Variants in WASHC2A observed in about 807,000 individuals in gnomAD.
The protein encoded by WASHC2A is WASH complex subunit 2A, also known as WASH complex subunit FAM21A.
WASHC2A carries 82 observed loss-of-function variants against 140.3 expected under a neutral mutation model. That is an observed-to-expected ratio of 0.58 (90% CI 0.49 to 0.70). WASHC2A has a LOEUF of 0.70. Among genes scored for constraint, WASHC2A ranks in the 30% least tolerant of loss-of-function variants. The probability of loss-of-function intolerance (pLI) is 0.00; values close to 1 mark genes in which losing one functional copy is unlikely to be tolerated. For synonymous variants in WASHC2A, 340 were observed against 560.8 expected (o/e 0.61, Z 5.56); for missense variants, 985 against 1,521.8 (o/e 0.65, Z 5.87).
At chr10:50,128,417 G>A (rs1194256181) in intron 28 of WASHC2A, among the ~76,000 whole-genome samples, 3 of 152,222 alleles carry the variant, frequency 2.0e-5, no homozygotes, top group South Asian at 2.1e-4. Context: ...TCCCACAGCA[G>A]CGACACTGTT....
chr10:50,095,007 T>C (rs1282129087), intron 13 of WASHC2A, 141 bp from the exon 14 acceptor site: 2 of 1,521,850 alleles, frequency 1.3e-6, no homozygotes, highest in African/African-American at 2.8e-5. Flanking sequence ...ACTAAAGAAT[T>C]TTAAAATGAC....
chr10:50,111,407 T>C (rs1205430967), intron 20 of WASHC2A, among the ~76,000 whole-genome samples: 5 of 152,032 alleles, frequency 3.3e-5, no homozygotes, highest in Admixed American at 6.6e-5. Flanking sequence ...CTCTGGAAAC[T>C]TGATATTAAA....
chr10:50,082,096 G>T (rs1211220793), intron 5 of WASHC2A, among the ~76,000 whole-genome samples: 5 of 151,968 alleles, frequency 3.3e-5, no homozygotes, highest in South Asian at 2.1e-4. Context: ...CTGGGAAATG[G>T]ATTGCCTGGA....
At chr10:50,087,345 A>T (rs1554881366) in intron 8 of WASHC2A, 23 bp downstream of exon 8, 1 of 1,613,776 alleles carries the variant, frequency 6.2e-7, no homozygotes, top group East Asian at 2.2e-5. Flanking sequence ...TATTGAAATG[A>T]CTTTGTTTTT....
At chr10:50,088,170 A>G (rs1474443410) in intron 8 of WASHC2A, among the ~76,000 whole-genome samples, 3 of 150,902 alleles carry the variant, frequency 2.0e-5, no homozygotes, top group African/African-American at 7.3e-5. Context: ...CTATACTTTT[A>G]AACATACTGA....
At chr10:50,121,645 T>A (rs1258311661) in intron 23 of WASHC2A, among the ~76,000 whole-genome samples, 5 of 149,522 alleles carry the variant, frequency 3.3e-5, no homozygotes, top group African/African-American at 1.3e-4. Context: ...CCACCTGCCT[T>A]AGCCTCCCGA....
intron 4 of WASHC2A, among the ~76,000 whole-genome samples, chr10:50,079,460 G>C (rs1416154703): frequency 6.6e-6 from 1 of 152,214 alleles, no homozygotes; most frequent in Non-Finnish European, 1.5e-5. Context: ...GCAGTGGCAC[G>C]ATATCAGCTC....
intron 17 of WASHC2A, among the ~76,000 whole-genome samples, chr10:50,101,885 T>A (rs1350336171): frequency 1.3e-5 from 2 of 151,744 alleles, no homozygotes; most frequent in Non-Finnish European, 2.9e-5. Context: ...TAGCCCTGTG[T>A]GGCTCCCAGC....
At chr10:50,112,626 A>G (rs1215479929) in intron 20 of WASHC2A, among the ~76,000 whole-genome samples, 3 of 143,480 alleles carry the variant, frequency 2.1e-5, no homozygotes, top group Middle Eastern at 3.4e-3. Context: ...AGCCTTAGTC[A>G]TAACAGCCGA....
At position 50,103,652 on chromosome 10, in the gene WASHC2A, C is replaced by CCTA. The variant is rs529168273; in HGVS notation, c.1636-388_1636-387insACT. Among the ~76,000 whole-genome samples, 561 of 152,200 alleles carry CCTA rather than the reference C, an allele frequency of 3.7e-3. 1 individual carries two copies. The highest frequency in any genetic ancestry group is 0.011 in the African/African-American group (460 of 41,514). On this transcript the variant is annotated intron_variant, in intron 17 of 30. Coordinates refer to ENST00000282633, the MANE Select transcript of WASHC2A (RefSeq NM_001005751.3). ...GCTCCATTAATTTGGGAATCTAGCC[C>CCTA]CTGTTTCTTTATTGACCCTGTCTAA...
chr10:50,097,062 G>C lies in WASHC2A; in HGVS notation c.1421-613G>C, dbSNP rs577922673. On this transcript the variant is annotated intron_variant, in intron 15 of 30. Coordinates refer to ENST00000282633, the MANE Select transcript of WASHC2A (RefSeq NM_001005751.3). ...ACGCTTGTTGACTTGGGAAGATTTT[G>C]TAGGTACATTAAGTGGAAAACACAA... Among the ~76,000 whole-genome samples the C allele has an allele frequency of 2.3e-5, 3 of 130,464 alleles. 1 individual carries two copies. The highest frequency in any genetic ancestry group is 7.7e-5 in the African/African-American group (3 of 38,896). The allele number at this position is 130,464 out of a possible 152,430, so 85.6% of individuals were successfully genotyped here.
intron 5 of WASHC2A, among the ~76,000 whole-genome samples, chr10:50,081,848 GTC>G (rs1554879797): frequency 1.3e-5 from 2 of 152,072 alleles, no homozygotes; most frequent in African/African-American, 4.8e-5. Context: ...GGCCAGGCTG[GTC>G]TCGAACTCCC....
chr10:50,100,165 G>A, intron 17 of WASHC2A, 101 bp downstream of exon 17: 3 of 1,441,372 alleles, frequency 2.1e-6, no homozygotes, highest in Non-Finnish European at 1.9e-6. Context: ...AAGACTTTTT[G>A]TTAAGTACTC....
At position 50,127,593 on chromosome 10, in the gene WASHC2A, C is replaced by T. The variant is rs1843548132; in HGVS notation, c.2885C>T (p.Ala962Val). The T allele has an allele frequency of 1.2e-5, 19 of 1,608,480 alleles. No homozygotes were observed. The highest frequency in any genetic ancestry group is 1.7e-5 in the Admixed American group (1 of 59,788). Residue 962 changes from alanine to valine, a missense_variant, in exon 28 of 31, where the codon GCG (alanine) becomes GTG (valine). By Grantham distance (64) the Ala-to-Val change is moderately conservative. Coordinates refer to ENST00000282633, the MANE Select transcript of WASHC2A (RefSeq NM_001005751.3). ...TRIGKIQANL[A>V]INPAALLPTA... The stretch of plus-strand genomic sequence containing the variant: ...ATTTTTCTTCTTTAGGCAAATTTAG[C>T]GATCAACCCAGCGGCCTTGCTGCCC...
At chr10:50,081,876 G>A (rs1420486923) in intron 5 of WASHC2A, among the ~76,000 whole-genome samples, 3 of 152,006 alleles carry the variant, frequency 2.0e-5, no homozygotes, top group East Asian at 1.9e-4. Context: ...CAGGTGATCC[G>A]CCTGCCTTGG....
intron 10 of WASHC2A, 105 bp downstream of exon 10, chr10:50,091,623 T>G (rs1564764309): frequency 4.2e-6 from 4 of 942,778 alleles, no homozygotes; most frequent in Admixed American, 2.8e-5. Context: ...TTACTACATA[T>G]ATTTATTAGT....
rs1554880335 is a variant in WASHC2A, at chr10:50,084,046, C to T, written c.529-26C>T. The T allele has an allele frequency of 1.9e-6, 3 of 1,610,190 alleles. No homozygotes were observed. In the Admixed American group the frequency reaches 5.0e-5, roughly 27 times the overall value. ...GTTTGTTTTCAACTGAAATGTTTGA[C>T]AGCCTATTCCTTTCATGATGTACAG... On this transcript the variant is annotated intron_variant, in intron 5 of 30. Coordinates refer to ENST00000282633, the MANE Select transcript of WASHC2A (RefSeq NM_001005751.3).
chr10:50,094,421 A>G (rs1435099445), intron 13 of WASHC2A, among the ~76,000 whole-genome samples: 11 of 148,682 alleles, frequency 7.4e-5, no homozygotes, highest in Non-Finnish European at 1.3e-4. Context: ...ACCCGCCTAG[A>G]CCTGGCAAAA....
chr10:50,095,162 A>G lies in WASHC2A; in HGVS notation c.1195A>G (p.Lys399Glu), dbSNP rs1589207873. ...ASVKEESSSS[K>E]PGKKIPAGAV... ...TCTCATTCTAGAGTCTTCATCATCC[A>G]AACCTGGAAAGAAAATCCCAGCAGG... Residue 399 changes from lysine (K) to glutamate (E), a missense_variant, in exon 14 of 31, where the codon AAA (lysine) becomes GAA (glutamate). Coordinates refer to ENST00000282633, the MANE Select transcript of WASHC2A (RefSeq NM_001005751.3). The G allele has an allele frequency of 6.3e-7, 1 of 1,587,770 alleles. No individual in the cohort carries two copies. Among genetic ancestry groups the G allele is most frequent in the Non-Finnish European group, 8.6e-7 (1 of 1,165,778 alleles).
Sources: allele counts gnomAD v4.1 joint callset (sites outside exome capture counted in the v4.1 genomes callset), GRCh38; gene constraint gnomAD v4.1.1; transcripts MANE v1.5; gene names NCBI Gene and HGNC (gene_info 2026-07-23, HGNC 2026-07-21).